The following CCDC158 variants were observed in gnomAD, a reference collection of about 807,000 sequenced individuals.
The protein encoded by CCDC158 is coiled-coil domain containing 158, also known as coiled-coil domain-containing protein 158.
A neutral mutation model predicts 138.6 loss-of-function variants in CCDC158; 116 were observed. The ratio of observed to expected loss-of-function variants is 0.84; its 90% CI spans 0.72 to 0.98. The LOEUF (loss-of-function observed/expected upper bound fraction) is 0.98, where lower values mean the gene tolerates loss of function less well. CCDC158 is among the 50% of genes least tolerant of loss of function. The pLI is 0.00. For synonymous variants in CCDC158, 436 were observed against 442.4 expected (o/e 0.99, Z 0.18); for missense variants, 1,265 against 1,306.1 (o/e 0.97, Z 0.48).
chr4:76,382,679 C>G lies in CCDC158; in HGVS notation c.845G>C (p.Gly282Ala), dbSNP rs112152984. The change falls in exon 8 of 25, where the codon GGA becomes GCA. Residue 282 changes from glycine to alanine, a missense_variant. By Grantham distance (60) the Gly-to-Ala change is moderately conservative. Coordinates refer to ENST00000682701, the MANE Select transcript of CCDC158 (RefSeq NM_001394954.1). ...LISEHEVEIT[G>A]LTEKASSARS... ...AGCACTGCTAGCTTTCTCAGTAAGT[C>G]CTGTTATTTCAACTTCATGTTCACT... 1 of 1,613,464 alleles carries G rather than the reference C, an allele frequency of 6.2e-7. No homozygotes were observed. Among genetic ancestry groups the G allele is most frequent in the East Asian group, 2.2e-5 (1 of 44,816 alleles).
chr4:76,418,765 G>C (rs1729891386), intron 1 of CCDC158, among the ~76,000 whole-genome samples: 2 of 152,116 alleles, frequency 1.3e-5, no homozygotes, highest in Admixed American at 6.5e-5. Flanking sequence ...GCAACACACG[G>C]GAATTGTGGG....
chr4:76,371,228 A>G (rs1357640822), intron 10 of CCDC158, among the ~76,000 whole-genome samples, 189 bp downstream of exon 10: 1 of 152,232 alleles, frequency 6.6e-6, no homozygotes, highest in African/African-American at 2.4e-5. Flanking sequence ...TCTGCTTAAG[A>G]AAAAAGTTAA....
intron 4 of CCDC158, 90 bp from the exon 5 acceptor site, chr4:76,384,755 A>T: frequency 1.2e-6 from 1 of 823,112 alleles, no homozygotes; most frequent in Non-Finnish European, 2.0e-6. Flanking sequence ...TATATTTTCA[A>T]TTCATTTTTA....
At chr4:76,365,108 G>A (rs78025984) in intron 12 of CCDC158, among the ~76,000 whole-genome samples, 3,790 of 152,254 alleles carry the variant, frequency 0.025, 152 homozygotes, top group African/African-American at 0.086. Flanking sequence ...ATAGAATTCA[G>A]TCCTTTCTTA....
intron 22 of CCDC158, 117 bp from the exon 23 acceptor site, chr4:76,326,132 G>T (rs547283138): frequency 5.0e-6 from 4 of 794,502 alleles, no homozygotes; most frequent in Non-Finnish European, 8.0e-6. Flanking sequence ...GGGACAGGGG[G>T]ACATTCTTCT....
At chr4:76,384,451 T>A in intron 5 of CCDC158, 36 bp from the exon 6 acceptor site, 1 of 1,578,964 alleles carries the variant, frequency 6.3e-7, no homozygotes, top group Non-Finnish European at 8.6e-7. Flanking sequence ...ATAACATTGA[T>A]AAAACTCATA....
At chr4:76,370,825 T>G in intron 10 of CCDC158, among the ~76,000 whole-genome samples, 1 of 152,136 alleles carries the variant, frequency 6.6e-6, no homozygotes, top group East Asian at 1.9e-4. Flanking sequence ...CCTCAGCTCA[T>G]CAAACCCTTG....
At chr4:76,377,851 C>T (rs912760671) in intron 9 of CCDC158, among the ~76,000 whole-genome samples, 3 of 152,188 alleles carry the variant, frequency 2.0e-5, no homozygotes, top group African/African-American at 7.2e-5. Flanking sequence ...GTTATTCAAA[C>T]GCAACCCCCC....
chr4:76,315,065 C>T (rs1719246522), intron 24 of CCDC158, among the ~76,000 whole-genome samples: 1 of 152,172 alleles, frequency 6.6e-6, no homozygotes, highest in South Asian at 2.1e-4. Context: ...GCACTGGCTG[C>T]CTGGAGACAC....
intron 1 of CCDC158, among the ~76,000 whole-genome samples, chr4:76,413,777 C>T (rs1729480905): frequency 6.6e-6 from 1 of 152,120 alleles, no homozygotes; most frequent in Non-Finnish European, 1.5e-5. Context: ...TGGAAAACAT[C>T]CAACAAAAAC....
At position 76,401,106 on chromosome 4, in the gene CCDC158, A is replaced by C. The variant is rs149769835; in HGVS notation, c.70+2032T>G. 4.0e-4 allele frequency: 83 copies of C among 208,790 alleles called. 1 individual carries two copies. Among genetic ancestry groups the C allele is most frequent in the African/African-American group, 1.9e-3 (79 of 42,202 alleles). The allele number at this position is 208,790 out of a possible 1,614,324, so 12.9% of individuals were successfully genotyped here. On this transcript the variant is annotated intron_variant, in intron 3 of 24. Transcript: ENST00000682701. ...TGGATCTAAGCCATTTAAGTGTTTA[A>C]AATCTCAAAAAGTGATTTTTGATAT...
chr4:76,347,215 G>A (rs567999416), intron 18 of CCDC158, among the ~76,000 whole-genome samples: 1 of 152,240 alleles, frequency 6.6e-6, no homozygotes, highest in African/African-American at 2.4e-5. Flanking sequence ...CTGCTATAAA[G>A]ACACATGCAC....
intron 18 of CCDC158, among the ~76,000 whole-genome samples, chr4:76,337,934 G>T (rs1350498943): frequency 6.6e-6 from 1 of 152,146 alleles, no homozygotes; most frequent in African/African-American, 2.4e-5. Flanking sequence ...CCGGCCCATG[G>T]TCTGTGAGGA....
intron 13 of CCDC158, among the ~76,000 whole-genome samples, chr4:76,361,469 G>A (rs1248750562): frequency 1.3e-5 from 2 of 152,224 alleles, no homozygotes; most frequent in Non-Finnish European, 2.9e-5. Flanking sequence ...GGCTGAGGCA[G>A]GAGAATGGCA....
chr4:76,411,630 A>G (rs1033861065), intron 2 of CCDC158, among the ~76,000 whole-genome samples: 19 of 152,202 alleles, frequency 1.2e-4, no homozygotes, highest in African/African-American at 4.6e-4. Context: ...ACATAATACC[A>G]TCTAGCAGGG....
At chr4:76,341,680 T>C (rs1026779250) in intron 18 of CCDC158, among the ~76,000 whole-genome samples, 1 of 152,228 alleles carries the variant, frequency 6.6e-6, no homozygotes, top group African/African-American at 2.4e-5. Context: ...TATCAAACTA[T>C]CAGTTACATA....
intron 8 of CCDC158, among the ~76,000 whole-genome samples, chr4:76,379,876 G>T (rs534272437): frequency 6.6e-6 from 1 of 152,136 alleles, no homozygotes; most frequent in Admixed American, 6.5e-5. Flanking sequence ...GACTGTGGGG[G>T]CAGATTTCCC....
At position 76,396,450 on chromosome 4, in the gene CCDC158, C is replaced by T. The variant is rs748015530; in HGVS notation, c.107G>A (p.Gly36Asp). 1.9e-6 allele frequency: 3 copies of T among 1,612,786 alleles called. No individual in the cohort carries two copies. Among genetic ancestry groups the T allele is most frequent in the Non-Finnish European group, 2.5e-6 (3 of 1,179,608 alleles). The change falls in exon 4 of 25, where the codon GGT (glycine) becomes GAT (aspartate). Residue 36 changes from glycine (G) to aspartate (D), a missense_variant. Coordinates refer to ENST00000682701, the MANE Select transcript of CCDC158 (RefSeq NM_001394954.1). ...TGAAGATGTGTTTTCAATTATTGTA[C>T]CACGAATAGATGACACAAAAAATGA... ...SSSFFVSSIRGTIIENTSSAG... is the reference protein window; with the variant it reads ...SSSFFVSSIRDTIIENTSSAG...
intron 1 of CCDC158, among the ~76,000 whole-genome samples, chr4:76,415,527 T>C (rs983000748): frequency 2.6e-5 from 4 of 152,088 alleles, no homozygotes; most frequent in Non-Finnish European, 5.9e-5. Flanking sequence ...TAATAAAATA[T>C]ACAAAATAAT....
Sources: gnomAD v4.1 joint callset for allele counts (sites outside exome capture counted in the v4.1 genomes callset) on GRCh38, gnomAD v4.1.1 for gene constraint, MANE v1.5 for transcripts, NCBI Gene and HGNC (gene_info 2026-07-23, HGNC 2026-07-21) for gene names.